Variants in CNTN4 observed in about 807,000 individuals in gnomAD.
CNTN4 encodes contactin 4, also known as contactin-4.
CNTN4 carries 77 observed loss-of-function variants against 122.5 expected under a neutral mutation model. The ratio of observed to expected loss-of-function variants is 0.63; its 90% CI spans 0.52 to 0.76. The LOEUF (loss-of-function observed/expected upper bound fraction) is 0.76, where lower values mean the gene tolerates loss of function less well. CNTN4 is among the 30% of genes least tolerant of loss of function. The pLI, the probability that CNTN4 is intolerant of heterozygous loss-of-function variation, is 0.00. For synonymous variants in CNTN4, 512 were observed against 447.0 expected (o/e 1.15, Z -1.83); for missense variants, 1,256 against 1,259.1 (o/e 1.00, Z 0.04).
intron 4 of CNTN4, among the ~76,000 whole-genome samples, chr3:2,655,978 G>A (rs928750976): frequency 2.0e-5 from 3 of 152,052 alleles, no homozygotes; most frequent in East Asian, 1.9e-4. Context: ...CTTGGATTTC[G>A]GATTTGCTTT....
At chr3:2,914,711 A>G (rs2094335985) in intron 12 of CNTN4, among the ~76,000 whole-genome samples, 1 of 152,228 alleles carries the variant, frequency 6.6e-6, no homozygotes, top group South Asian at 2.1e-4. Flanking sequence ...ATACTTAAAG[A>G]AGAATTAACA....
chr3:2,468,871 CT>C (rs1215239068), intron 3 of CNTN4, among the ~76,000 whole-genome samples: 1 of 152,140 alleles, frequency 6.6e-6, no homozygotes, highest in Non-Finnish European at 1.5e-5. Flanking sequence ...ATTCCTGACA[CT>C]TTTATAAAGA....
Position 2,680,477 on chromosome 3 carries a change from A to G in CNTN4, c.56-55738A>G, listed in dbSNP as rs115850611. Among the ~76,000 whole-genome samples, 771 of 152,338 alleles carry G rather than the reference A, an allele frequency of 5.1e-3. 2 individuals are homozygous for G. The highest frequency in any genetic ancestry group is 9.0e-3 in the Non-Finnish European group (613 of 68,022). ...CTGTACACTGTTGGCAGGACTGCAAATGGGTAGACACTTTTGGCAAAACAC... is the reference window on the plus strand; with the variant it reads ...CTGTACACTGTTGGCAGGACTGCAAGTGGGTAGACACTTTTGGCAAAACAC... On this transcript the variant is annotated intron_variant, in intron 4 of 24. Coordinates refer to ENST00000418658, the MANE Select transcript of CNTN4 (RefSeq NM_175607.3).
chr3:2,687,032 A>G (rs1041430751), intron 4 of CNTN4, among the ~76,000 whole-genome samples: 13 of 152,196 alleles, frequency 8.5e-5, no homozygotes, highest in African/African-American at 2.7e-4. Flanking sequence ...TAATGAAGCC[A>G]CAGGTGGCCA....
intron 3 of CNTN4, among the ~76,000 whole-genome samples, chr3:2,557,440 AT>A (rs1361678538): frequency 1.3e-5 from 2 of 152,176 alleles, no homozygotes; most frequent in African/African-American, 4.8e-5. Context: ...ATTAATATGC[AT>A]GGTAGGCCAG....
chr3:2,769,998 C>G (rs79747569), intron 6 of CNTN4, among the ~76,000 whole-genome samples: 8,508 of 147,466 alleles, frequency 0.058, 310 homozygotes, highest in Non-Finnish European at 0.087. Flanking sequence ...ACTTCTCTTC[C>G]ATCTCTCTCT....
intron 3 of CNTN4, among the ~76,000 whole-genome samples, chr3:2,479,680 A>G (rs1404570821): frequency 1.3e-5 from 2 of 152,190 alleles, no homozygotes; most frequent in African/African-American, 4.8e-5. Context: ...GTGCCTGTCT[A>G]TCAGACACCA....
chr3:2,606,286 AT>A (rs2081256978), intron 4 of CNTN4, among the ~76,000 whole-genome samples: 1 of 152,072 alleles, frequency 6.6e-6, no homozygotes, highest in Admixed American at 6.6e-5. Flanking sequence ...ATATAACCTA[AT>A]TTGTCTTTGA....
In CNTN4 at chr3:2,672,319, G is replaced by A. The variant is rs192301125; in HGVS notation, c.56-63896G>A. 9.7e-3 allele frequency among the ~76,000 whole-genome samples: 1,481 copies of A among 152,232 alleles called. 26 individuals carry two copies. Among genetic ancestry groups the A allele is most frequent in the African/African-American group, 0.034 (1,399 of 41,552 alleles). ...TACTCAAGCCTCAGCAATGGTGGGC[G>A]CCCCTCCCCCAGCCTCGCTGCTGCC... On this transcript the variant is annotated intron_variant, in intron 4 of 24. Coordinates refer to ENST00000418658, the MANE Select transcript of CNTN4 (RefSeq NM_175607.3).
At chr3:2,943,625 TATATA>T (rs199802374) in intron 13 of CNTN4, among the ~76,000 whole-genome samples, 39 of 77,598 alleles carry the variant, frequency 5.0e-4, no homozygotes, top group African/African-American at 1.4e-3. Context: ...TATATATATA[TATATA>T]TTTTTTTTTT....
At chr3:2,295,314 T>G (rs922742385) in intron 2 of CNTN4, among the ~76,000 whole-genome samples, 3 of 139,826 alleles carry the variant, frequency 2.1e-5, no homozygotes, top group African/African-American at 8.4e-5. Flanking sequence ...AGTGTTCCTA[T>G]TTCTCCACAT....
chr3:2,960,953 G>A (rs1034735501), intron 13 of CNTN4, among the ~76,000 whole-genome samples: 25 of 152,044 alleles, frequency 1.6e-4, no homozygotes, highest in African/African-American at 5.8e-4. Context: ...CTATTGTGCC[G>A]GGCGCGGTGA....
At chr3:2,176,884 A>C (rs2149265687) in intron 2 of CNTN4, among the ~76,000 whole-genome samples, 1 of 152,330 alleles carries the variant, frequency 6.6e-6, no homozygotes, top group African/African-American at 2.4e-5. Context: ...AATTTATAAG[A>C]ATATTTTGAG....
chr3:2,216,031 A>G (rs1440173315), intron 2 of CNTN4, among the ~76,000 whole-genome samples: 1 of 152,186 alleles, frequency 6.6e-6, no homozygotes, highest in East Asian at 1.9e-4. Flanking sequence ...CAATCCCATT[A>G]CTGAGTATAT....
At chr3:2,677,515 T>C (rs2084937447) in intron 4 of CNTN4, among the ~76,000 whole-genome samples, 1 of 151,720 alleles carries the variant, frequency 6.6e-6, no homozygotes, top group Non-Finnish European at 1.5e-5. Context: ...TCTATCTATC[T>C]ATCTATCTGT....
chr3:2,481,029 T>C (rs2075977619), intron 3 of CNTN4, among the ~76,000 whole-genome samples: 1 of 53,984 alleles, frequency 1.9e-5, no homozygotes, highest in Admixed American at 1.5e-4. Flanking sequence ...TTCTTTTCTT[T>C]TTCTTTTCTT....
intron 3 of CNTN4, among the ~76,000 whole-genome samples, chr3:2,471,587 T>C (rs1472559947): frequency 6.6e-6 from 1 of 152,234 alleles, no homozygotes; most frequent in South Asian, 2.1e-4. Context: ...TTTAATCTTA[T>C]GATTGTCCTC....
chr3:2,839,289 C>T (rs1023426195), intron 7 of CNTN4, among the ~76,000 whole-genome samples: 2 of 152,008 alleles, frequency 1.3e-5, no homozygotes, highest in African/African-American at 4.8e-5. Context: ...AAGTAAATCA[C>T]AAGTGCCTTT....
chr3:2,651,166 G>A (rs1440227398), intron 4 of CNTN4, among the ~76,000 whole-genome samples: 2 of 152,172 alleles, frequency 1.3e-5, no homozygotes, highest in African/African-American at 4.8e-5. Context: ...AGATTCAAGA[G>A]TGGCCATTGC....
Sources: allele counts gnomAD v4.1 joint callset (sites outside exome capture counted in the v4.1 genomes callset), GRCh38; gene constraint gnomAD v4.1.1; transcripts MANE v1.5; gene names NCBI Gene and HGNC (gene_info 2026-07-23, HGNC 2026-07-21).